The following GLYATL2 variants were observed in gnomAD, a reference collection of about 807,000 sequenced individuals.
GLYATL2 encodes glycine-N-acyltransferase like 2, also known as glycine N-acyltransferase-like protein 2.
A neutral mutation model predicts 21.4 loss-of-function variants in GLYATL2; 25 were observed. That is an observed-to-expected ratio of 1.17 (90% CI 0.85 to 1.63). GLYATL2 has a LOEUF of 1.63. GLYATL2 is among the 40% of genes most tolerant of loss of function. The pLI is 0.00. For synonymous variants in GLYATL2, 114 were observed against 118.2 expected (o/e 0.96, Z 0.23); for missense variants, 361 against 343.3 (o/e 1.05, Z -0.41).
At chr11:58,880,155 G>C (rs1034454821) in intron 1 of GLYATL2, among the ~76,000 whole-genome samples, 5 of 152,180 alleles carry the variant, frequency 3.3e-5, no homozygotes, top group Non-Finnish European at 7.3e-5. Flanking sequence ...ACCGTGCCCG[G>C]CCAACAGTTT....
chr11:58,843,804 GATC>G (rs1853595217), intron 1 of GLYATL2, among the ~76,000 whole-genome samples: 3 of 152,162 alleles, frequency 2.0e-5, no homozygotes, highest in Admixed American at 2.0e-4. Context: ...CTCAGAGGTA[GATC>G]AGTTTGGGAT....
intron 1 of GLYATL2, among the ~76,000 whole-genome samples, chr11:58,896,834 A>G (rs1854644383): frequency 6.6e-6 from 1 of 152,056 alleles, no homozygotes; most frequent in Non-Finnish European, 1.5e-5. Context: ...GTCTTTTCCA[A>G]CGTTTCATAT....
intron 1 of GLYATL2, chr11:58,885,409 C>T (rs1005108689): frequency 5.8e-5 from 25 of 433,316 alleles, no homozygotes; most frequent in Non-Finnish European, 1.1e-4. Flanking sequence ...TCAACCTCTC[C>T]TAGTCCTTTC....
chr11:58,838,166 T>C (rs1853473627), intron 3 of GLYATL2, 95 bp downstream of exon 3: 3 of 779,152 alleles, frequency 3.9e-6, no homozygotes, highest in Non-Finnish European at 6.4e-6. Context: ...AGTGTCAATG[T>C]TCTTCTCACC....
rs1306043412 is a variant in GLYATL2 at position 58,903,748 on chromosome 11, C to G, written n.60+408G>C. Among the ~76,000 whole-genome samples the G allele has an allele frequency of 3.9e-5, 6 of 152,200 alleles. No individual in the cohort carries two copies. The East Asian group carries it at 1.2e-3, about 29-fold the overall frequency. ...TACCATCATAAGTCCTAGTTTCCCT[C>G]TCTTTCTCCTTTTGTGTGTCTTTTA... On this transcript the variant is annotated intron_variant and non_coding_transcript_variant, in intron 1 of 4. Transcript: ENST00000533636.
intron 1 of GLYATL2, among the ~76,000 whole-genome samples, chr11:58,878,586 A>G (rs192057852): frequency 1.3e-5 from 2 of 152,326 alleles, no homozygotes; most frequent in African/African-American, 4.8e-5. Flanking sequence ...AGAACTGGTA[A>G]TAAGCAGTAA....
At chr11:58,851,068 G>A (rs1227803278) in intron 1 of GLYATL2, among the ~76,000 whole-genome samples, 1 of 152,164 alleles carries the variant, frequency 6.6e-6, no homozygotes, top group Non-Finnish European at 1.5e-5. Context: ...TGGTGGACAC[G>A]TGACTCACGT....
intron 1 of GLYATL2, among the ~76,000 whole-genome samples, chr11:58,878,806 A>G (rs1854283103): frequency 6.6e-6 from 1 of 152,230 alleles, no homozygotes; most frequent in Non-Finnish European, 1.5e-5. Flanking sequence ...GAGGCAGTGA[A>G]GTCTTACAGA....
At chr11:58,840,036 T>C (rs934115419) in intron 1 of GLYATL2, among the ~76,000 whole-genome samples, 1 of 152,092 alleles carries the variant, frequency 6.6e-6, no homozygotes, top group Non-Finnish European at 1.5e-5. Context: ...CCCCAAGCAT[T>C]GAAACACTTG....
chr11:58,899,084 A>G (rs550721579), intron 1 of GLYATL2, among the ~76,000 whole-genome samples: 1 of 152,308 alleles, frequency 6.6e-6, no homozygotes, highest in Admixed American at 6.5e-5. Flanking sequence ...AGGTGCAAAG[A>G]AAGAAGGTAA....
At chr11:58,872,383 C>G (rs1207317197) in intron 1 of GLYATL2, among the ~76,000 whole-genome samples, 3 of 152,010 alleles carry the variant, frequency 2.0e-5, no homozygotes, top group African/African-American at 4.8e-5. Flanking sequence ...GAATGGTATT[C>G]CCTAGGTTTT....
intron 1 of GLYATL2, among the ~76,000 whole-genome samples, chr11:58,855,442 T>C (rs1853811964): frequency 1.3e-5 from 2 of 152,226 alleles, no homozygotes; most frequent in Non-Finnish European, 2.9e-5. Context: ...AAATATTCAG[T>C]AAACCACGCT....
At chr11:58,902,557 G>A (rs1028599136) in intron 1 of GLYATL2, among the ~76,000 whole-genome samples, 4 of 151,958 alleles carry the variant, frequency 2.6e-5, no homozygotes, top group African/African-American at 9.7e-5. Flanking sequence ...CATCTTTTAG[G>A]GGTTCATGAA....
intron 1 of GLYATL2, among the ~76,000 whole-genome samples, chr11:58,851,603 T>C (rs2134587052): frequency 6.6e-6 from 1 of 152,350 alleles, no homozygotes; most frequent in South Asian, 2.1e-4. Context: ...GAGTTGGCCT[T>C]CTTCCAAAGA....
At position 58,891,372 on chromosome 11, in the gene GLYATL2, C is replaced by T. The variant is rs191564825; in HGVS notation, n.60+12784G>A. Among the ~76,000 whole-genome samples, 203 of 152,250 alleles carry T rather than the reference C, an allele frequency of 1.3e-3. 1 individual carries two copies. Among genetic ancestry groups the T allele is most frequent in the Admixed American group, 2.9e-3 (45 of 15,288 alleles). ...CATGAGTCTAACACTACATAAATTA[C>T]CCAGAATGCTACCAAAAATTTAGTT... On this transcript the variant is annotated intron_variant and non_coding_transcript_variant, in intron 1 of 4. Transcript: ENST00000533636.
chr11:58,901,684 C>A (rs778900894), intron 1 of GLYATL2, among the ~76,000 whole-genome samples: 8 of 152,058 alleles, frequency 5.3e-5, no homozygotes, highest in Non-Finnish European at 1.2e-4. Context: ...CCTTTCCCTC[C>A]CCCAACTAGT....
rs1317467452 is a variant in GLYATL2, at chr11:58,862,069, A to G, written n.61-23701T>C. Among the ~76,000 whole-genome samples, 18 of 126,366 alleles carry G rather than the reference A, an allele frequency of 1.4e-4. No individual in the cohort carries two copies. In the East Asian group the frequency reaches 2.3e-3, roughly 16 times the overall value. 82.9% of individuals were successfully genotyped at this position (126,366 alleles called of 152,430 possible). ...AAAACAAACAAACAAACAAAAAAAA[A>G]CAGATTTTGTTGGGAACAGTATTTT... On this transcript the variant is annotated intron_variant and non_coding_transcript_variant, in intron 1 of 4. Coordinates refer to the GLYATL2 transcript ENST00000533636.
At chr11:58,905,229 C>T (rs932073781), upstream of GLYATL2, among the ~76,000 whole-genome samples, 1 of 152,254 alleles carries the variant, frequency 6.6e-6, no homozygotes, top group African/African-American at 2.4e-5. Flanking sequence ...TGTCTGTGTT[C>T]GCCAGCCCCT....
intron 1 of GLYATL2, among the ~76,000 whole-genome samples, chr11:58,850,732 G>A (rs1335014380): frequency 1.3e-5 from 2 of 152,000 alleles, no homozygotes; most frequent in African/African-American, 4.8e-5. Context: ...CTACTTAGCA[G>A]ACCAGGAAAG....
Sources: allele counts gnomAD v4.1 joint callset (sites outside exome capture counted in the v4.1 genomes callset), GRCh38; gene constraint gnomAD v4.1.1; transcripts MANE v1.5; gene names NCBI Gene and HGNC (gene_info 2026-07-23, HGNC 2026-07-21).